The following DLD variants were observed in gnomAD, a reference collection of about 807,000 sequenced individuals.
DLD encodes dihydrolipoamide dehydrogenase, also known as dihydrolipoyl dehydrogenase, mitochondrial.
A neutral mutation model predicts 62.2 loss-of-function variants in DLD; 36 were observed. The observed-to-expected ratio is 0.58, with a 90% CI of 0.44 to 0.76. The LOEUF (loss-of-function observed/expected upper bound fraction) is 0.76, where lower values mean the gene tolerates loss of function less well. DLD is among the 30% of genes least tolerant of loss of function. The pLI is 0.00. For synonymous variants in DLD, 204 were observed against 199.6 expected, an observed-to-expected ratio of 1.02 and a Z score of -0.19; for missense variants, 541 against 608.6, an observed-to-expected ratio of 0.89 and a Z score of 1.17.
At chr7:107,905,214 A>G in intron 6 of DLD, 147 bp from the exon 7 acceptor site, 1 of 1,045,464 alleles carries the variant, frequency 9.6e-7, no homozygotes, top group East Asian at 2.6e-5. Context: ...TATATCACAG[A>G]TTTTTTTGCT....
chr7:107,892,497 G>C (rs1483623153), intron 1 of DLD, among the ~76,000 whole-genome samples: 2 of 152,040 alleles, frequency 1.3e-5, no homozygotes, highest in Non-Finnish European at 2.9e-5. Context: ...ATCATGTATA[G>C]ATTATTCAAG....
chr7:107,901,809 G>A lies in DLD; in HGVS notation c.190G>A (p.Gly64Ser), dbSNP rs2116207438. The A allele has an allele frequency of 6.2e-7, 1 of 1,613,164 alleles. No homozygotes were observed. Among genetic ancestry groups the A allele is most frequent in the South Asian group, 1.1e-5 (1 of 91,070 alleles). The part of the protein sequence containing the change: ...YVAAIKAAQL[G>S]FKTVCIEKNE... Reference sequence around the variant, plus strand: ...TGCTGCTATTAAAGCTGCCCAGTTAGGCTTCAAGGTAAGGTTTGAACTCAA... The same window carrying A: ...TGCTGCTATTAAAGCTGCCCAGTTAAGCTTCAAGGTAAGGTTTGAACTCAA... Residue 64 changes from glycine to serine, a missense_variant, in exon 3 of 14, where the codon GGC (glycine) becomes AGC (serine). Transcript: ENST00000205402.
Position 107,915,657 on chromosome 7 carries a change from C to T in DLD, c.836C>T (p.Thr279Ile). 1.2e-6 allele frequency: 2 copies of T among 1,613,684 alleles called. No homozygotes were observed. Among genetic ancestry groups the T allele is most frequent in the Non-Finnish European group, 1.7e-6 (2 of 1,179,796 alleles). The change falls in exon 9 of 14, where the codon ACT becomes ATT. Residue 279 changes from threonine (T) to isoleucine (I), a missense_variant. Thr to Ile is a moderately conservative substitution (Grantham distance 89). Transcript: ENST00000205402. Reference sequence around the variant, plus strand: ...AAATTTAAATTGAATACAAAGGTTACTGGTGCTACCAAGAAGTCAGATGGA... The same window carrying T: ...AAATTTAAATTGAATACAAAGGTTATTGGTGCTACCAAGAAGTCAGATGGA... The part of the protein sequence containing the change: ...GFKFKLNTKV[T>I]GATKKSDGKI...
chr7:107,916,784 T>A lies in DLD; in HGVS notation c.876-10T>A. On this transcript the variant is annotated splice_polypyrimidine_tract_variant and intron_variant, in intron 9 of 13. Coordinates refer to ENST00000205402, the MANE Select transcript of DLD (RefSeq NM_000108.5). ...GTGTATTTAACATTTATACACTGTT[T>A]GTTATCTAGTATTGAAGCTGCTTCT... is the stretch of plus-strand genomic sequence containing the variant. 6.2e-7 allele frequency: 1 copy of A among 1,612,908 alleles called. No homozygotes were observed. Among genetic ancestry groups the A allele is most frequent in the South Asian group, 1.1e-5 (1 of 91,008 alleles).
At chr7:107,895,382 A>G (rs1221221736) in intron 2 of DLD, among the ~76,000 whole-genome samples, 3 of 152,234 alleles carry the variant, frequency 2.0e-5, no homozygotes, top group Non-Finnish European at 4.4e-5. Context: ...AGATGTCTGA[A>G]TAGCCTTATG....
chr7:107,908,133 T>C (rs1426641962), intron 8 of DLD, among the ~76,000 whole-genome samples: 1 of 151,650 alleles, frequency 6.6e-6, no homozygotes. Flanking sequence ...TTCCCTTTAA[T>C]TGTTAGTATT....
intron 2 of DLD, among the ~76,000 whole-genome samples, chr7:107,894,824 G>A (rs2031677907): frequency 1.3e-5 from 2 of 152,200 alleles, no homozygotes; most frequent in Non-Finnish European, 2.9e-5. Context: ...GTGTGTAAAA[G>A]CTTTGAGTGG....
In DLD at chr7:107,901,540, T is replaced by C. The variant is rs192240966; in HGVS notation, c.119-198T>C. On this transcript the variant is annotated intron_variant, in intron 2 of 13. Coordinates refer to ENST00000205402, the MANE Select transcript of DLD (RefSeq NM_000108.5). ...AATAGAAAATAATAGAAAATGAAAT[T>C]TGAGTATTTATGCCATTTTTCAGTA... 2.8e-4 allele frequency among the ~76,000 whole-genome samples: 42 copies of C among 152,234 alleles called. No homozygotes were observed. The East Asian group carries it at 7.5e-3, about 27-fold the overall frequency.
At chr7:107,910,882 C>G (rs566037751) in intron 8 of DLD, among the ~76,000 whole-genome samples, 1 of 152,162 alleles carries the variant, frequency 6.6e-6, no homozygotes, top group Non-Finnish European at 1.5e-5. Context: ...GAATTAGACT[C>G]CAAGATGATG....
intron 2 of DLD, among the ~76,000 whole-genome samples, chr7:107,897,813 AAG>A (rs2031766369): frequency 6.6e-6 from 1 of 151,986 alleles, no homozygotes; most frequent in Non-Finnish European, 1.5e-5. Context: ...TCCTGACCTC[AAG>A]TGATCCACCC....
intron 1 of DLD, 147 bp from the exon 2 acceptor site, chr7:107,893,053 C>G (rs558255340): frequency 1.8e-5 from 10 of 554,438 alleles, no homozygotes; most frequent in Middle Eastern, 4.3e-4. Flanking sequence ...GGATATTGAT[C>G]TGTAGCTTCT....
intron 8 of DLD, among the ~76,000 whole-genome samples, chr7:107,908,214 G>A (rs762134594): frequency 6.7e-6 from 1 of 148,738 alleles, no homozygotes; most frequent in Non-Finnish European, 1.5e-5. Context: ...GCAGTGGCGC[G>A]ATCTCGGCTC....
At chr7:107,911,642 T>A (rs73193753) in intron 8 of DLD, among the ~76,000 whole-genome samples, 1,598 of 152,210 alleles carry the variant, frequency 0.01, 18 homozygotes, top group Non-Finnish European at 0.015. Context: ...TCATTTTTTT[T>A]TAAAAATTGA....
chr7:107,897,014 T>C (rs1331411480), intron 2 of DLD, among the ~76,000 whole-genome samples: 1 of 152,108 alleles, frequency 6.6e-6, no homozygotes, highest in Non-Finnish European at 1.5e-5. Flanking sequence ...TTTGTATTTT[T>C]AGTAGAGATG....
intron 2 of DLD, among the ~76,000 whole-genome samples, chr7:107,900,445 C>T (rs73193746): frequency 0.04 from 6,031 of 152,152 alleles, 151 homozygotes; most frequent in Middle Eastern, 0.054. Flanking sequence ...ATTCTGTTAT[C>T]ACCCTATGAA....
Position 107,905,471 on chromosome 7 carries a change from G to A in DLD, c.549G>A (p.Thr183=), listed in dbSNP as rs150630885. ...ATACAAAGAACATTCTTATAGCCACGGGTTCAGAAGTTACTCCTTTTCCTG... is the reference window on the plus strand; with the variant it reads ...ATACAAAGAACATTCTTATAGCCACAGGTTCAGAAGTTACTCCTTTTCCTG... ...VIDTKNILIA[T]GSEVTPFPGI... Residue 183 remains threonine, a synonymous_variant, in exon 7 of 14, where the codon ACG becomes ACA. Coordinates refer to ENST00000205402, the MANE Select transcript of DLD (RefSeq NM_000108.5). 1.2e-4 allele frequency: 194 copies of A among 1,613,630 alleles called. No individual in the cohort carries two copies. Among genetic ancestry groups the A allele is most frequent in the Middle Eastern group, 3.3e-4 (2 of 6,082 alleles).
Position 107,917,466 on chromosome 7 carries a change from A to T in DLD, c.1236+4A>T, listed in dbSNP as rs1399965082. On this transcript the variant is annotated splice_donor_region_variant and intron_variant, in intron 11 of 13. Transcript: ENST00000205402. ...AGAAGAGCAGTTGAAAGAAGAGGTA[A>T]GTCTGAACATGGGTGGTTTTAAGCC... is the stretch of plus-strand genomic sequence containing the variant. The T allele has an allele frequency of 6.2e-7, 1 of 1,614,132 alleles. No individual in the cohort carries two copies. Among genetic ancestry groups the T allele is most frequent in the Admixed American group, 1.7e-5 (1 of 60,026 alleles).
chr7:107,918,703 T>C (rs1206692251), intron 12 of DLD, among the ~76,000 whole-genome samples: 1 of 152,218 alleles, frequency 6.6e-6, no homozygotes, highest in Non-Finnish European at 1.5e-5. Flanking sequence ...TACATTTTGT[T>C]ATTTTTACAT....
At chr7:107,903,985 G>A (rs910409863) in intron 5 of DLD, among the ~76,000 whole-genome samples, 7 of 152,264 alleles carry the variant, frequency 4.6e-5, no homozygotes, top group Admixed American at 2.6e-4. Context: ...AGCGGAAAAG[G>A]AAGAGGACAT....
Sources: gnomAD v4.1 joint callset for allele counts (sites outside exome capture counted in the v4.1 genomes callset) on GRCh38, gnomAD v4.1.1 for gene constraint, MANE v1.5 for transcripts, NCBI Gene and HGNC (gene_info 2026-07-23, HGNC 2026-07-21) for gene names.